ANTXR2: variants seen among roughly 807,000 people sequenced by gnomAD.
ANTXR2 encodes anthrax toxin receptor 2.
A neutral mutation model predicts 73.7 loss-of-function variants in ANTXR2; 44 were observed. That is an observed-to-expected ratio of 0.60 (90% CI 0.47 to 0.77). ANTXR2 has a LOEUF of 0.77. Ranked by LOEUF, ANTXR2 falls within the 30% of genes least tolerant of loss-of-function variation. ANTXR2 has a pLI of 0.00. For synonymous variants in ANTXR2, 217 were observed against 205.9 expected (o/e 1.05, Z -0.46); for missense variants, 604 against 592.5 (o/e 1.02, Z -0.20).
intron 10 of ANTXR2, among the ~76,000 whole-genome samples, chr4:80,029,316 C>A (rs1460610047): frequency 2.0e-5 from 3 of 151,278 alleles, no homozygotes; most frequent in Non-Finnish European, 4.4e-5. Context: ...TTTAACTAGT[C>A]ACTATTATTT....
At chr4:79,936,304 A>G (rs1402868428) in intron 16 of ANTXR2, among the ~76,000 whole-genome samples, 2 of 150,348 alleles carry the variant, frequency 1.3e-5, no homozygotes, top group Non-Finnish European at 2.9e-5. Flanking sequence ...ACAAAATGCT[A>G]TTTAACTGTC....
intron 10 of ANTXR2, among the ~76,000 whole-genome samples, chr4:80,025,835 T>C (rs987118359): frequency 3.9e-5 from 6 of 152,322 alleles, no homozygotes; most frequent in Admixed American, 1.3e-4. Context: ...ATATGTGTAA[T>C]AGATAAAACA....
At chr4:79,957,685 C>A (rs934891322) in intron 16 of ANTXR2, among the ~76,000 whole-genome samples, 2 of 151,848 alleles carry the variant, frequency 1.3e-5, no homozygotes, top group Non-Finnish European at 2.9e-5. Flanking sequence ...AAGTTTAGAG[C>A]CTTATCTGTT....
chr4:80,031,901 A>C (rs552147152), intron 9 of ANTXR2, among the ~76,000 whole-genome samples: 120 of 151,894 alleles, frequency 7.9e-4, no homozygotes, highest in African/African-American at 2.8e-3. Context: ...GTAAATCATA[A>C]GTTAGGATTA....
In ANTXR2 at chr4:80,045,439, A is replaced by G. The variant is rs968270632; in HGVS notation, c.636+8833T>C. On this transcript the variant is annotated intron_variant, in intron 7 of 16. Coordinates refer to ENST00000403729, the MANE Select transcript of ANTXR2 (RefSeq NM_058172.6). ...ATTTTTTGACACTGATTTTGGATCT[A>G]TAACATCACTGGCAACCGATCATCA... 2.6e-5 allele frequency among the ~76,000 whole-genome samples: 4 copies of G among 151,878 alleles called. 1 individual carries two copies. The highest frequency in any genetic ancestry group is 9.6e-5 in the African/African-American group (4 of 41,512).
chr4:80,065,088 G>A (rs1310720174), intron 3 of ANTXR2, among the ~76,000 whole-genome samples: 1 of 152,130 alleles, frequency 6.6e-6, no homozygotes, highest in African/African-American at 2.4e-5. Flanking sequence ...AGGATTAAGT[G>A]AAGCAATGCA....
chr4:79,996,257 T>C (rs1245320141), intron 12 of ANTXR2, among the ~76,000 whole-genome samples: 1 of 151,830 alleles, frequency 6.6e-6, no homozygotes, highest in Non-Finnish European at 1.5e-5. Context: ...AAAAAGCCTA[T>C]GATTTGTTGA....
chr4:79,931,583 T>C (rs1339788860), intron 16 of ANTXR2, among the ~76,000 whole-genome samples: 1 of 151,738 alleles, frequency 6.6e-6, no homozygotes, highest in Non-Finnish European at 1.5e-5. Flanking sequence ...CAGATGGCAC[T>C]AATGCATAAA....
rs530929347 is a variant in ANTXR2 at position 79,933,820 on chromosome 4, C to T, written c.1429-26353G>A. Among the ~76,000 whole-genome samples the T allele has an allele frequency of 5.4e-5, 8 of 149,394 alleles. No individual in the cohort carries two copies. In the South Asian group the frequency reaches 1.7e-3, roughly 32 times the overall value. Reference sequence around the variant, plus strand: ...CACGATCTCGGCTCACTGCAAGCTCCGCCTCCTGGGTTCACGCCATTCTCC... The same window carrying T: ...CACGATCTCGGCTCACTGCAAGCTCTGCCTCCTGGGTTCACGCCATTCTCC... On this transcript the variant is annotated intron_variant, in intron 16 of 16. Coordinates refer to ENST00000403729, the MANE Select transcript of ANTXR2 (RefSeq NM_058172.6).
intron 16 of ANTXR2, among the ~76,000 whole-genome samples, chr4:79,920,944 A>T (rs1727569900): frequency 6.6e-6 from 1 of 152,160 alleles, no homozygotes; most frequent in Admixed American, 6.6e-5. Context: ...ATGTCAAATA[A>T]TGGCTAATTG....
chr4:80,040,632 T>A (rs988136077), intron 7 of ANTXR2, among the ~76,000 whole-genome samples: 11 of 151,986 alleles, frequency 7.2e-5, no homozygotes, highest in Non-Finnish European at 1.5e-5. Context: ...GACCAATAGA[T>A]CAAATTTAAA....
rs1730004052 is a variant in ANTXR2, at chr4:79,984,169, C to A, written c.1087-199G>T. Among the ~76,000 whole-genome samples, 4 of 152,136 alleles carry A rather than the reference C, an allele frequency of 2.6e-5. No homozygotes were observed. The South Asian group carries it at 8.3e-4, about 31-fold the overall frequency. On this transcript the variant is annotated intron_variant, in intron 13 of 16. Transcript: ENST00000403729. ...ACAGGATATGAGAACTCCTTTCCCT[C>A]CTCAAATTTCAGGAATCTCTCTTAC...
chr4:79,922,768 C>T (rs1296326208), intron 16 of ANTXR2, among the ~76,000 whole-genome samples: 1 of 151,814 alleles, frequency 6.6e-6, no homozygotes, highest in Non-Finnish European at 1.5e-5. Flanking sequence ...GTCCAGAGCT[C>T]GTGTAGATAC....
intron 7 of ANTXR2, among the ~76,000 whole-genome samples, chr4:80,040,087 T>C: frequency 6.6e-6 from 1 of 151,606 alleles, no homozygotes; most frequent in Middle Eastern, 3.2e-3. Flanking sequence ...GACGTAAAGA[T>C]GGGAACAGTA....
At chr4:80,012,967 C>T (rs1047789758) in intron 11 of ANTXR2, among the ~76,000 whole-genome samples, 3 of 152,118 alleles carry the variant, frequency 2.0e-5, no homozygotes, top group Non-Finnish European at 4.4e-5. Flanking sequence ...CTAAATGAAG[C>T]CATAAAGGAT....
chr4:80,032,510 AT>A (rs1317077632), intron 9 of ANTXR2, among the ~76,000 whole-genome samples: 1 of 151,898 alleles, frequency 6.6e-6, no homozygotes, highest in East Asian at 1.9e-4. Flanking sequence ...AGAGGAATTA[AT>A]TATGACATTT....
intron 7 of ANTXR2, among the ~76,000 whole-genome samples, chr4:80,044,412 T>C (rs1428296402): frequency 6.6e-6 from 1 of 151,860 alleles, no homozygotes; most frequent in Non-Finnish European, 1.5e-5. Context: ...ACATACACAA[T>C]GGATATAGTT....
In ANTXR2 at chr4:79,903,636, T is replaced by C. The variant is rs1348694501; in HGVS notation, c.*3793A>G. The C allele has an allele frequency of 6.6e-6, 1 of 152,182 alleles. No homozygotes were observed. The highest frequency in any genetic ancestry group is 1.5e-5 in the Non-Finnish European group (1 of 68,022). The allele number at this position is 152,182 out of a possible 1,614,324, so 9.4% of individuals were successfully genotyped here. A position where few individuals can be genotyped will look rare whatever the true frequency, so the allele number is the denominator to read the frequency against. On this transcript the variant is annotated 3_prime_UTR_variant, in exon 17 of 17. Transcript: ENST00000403729. ...GGTGTGGAAATATATTAAAGTGTTC[T>C]CAGAAATATGTCATAGAAATTCACT...
intron 12 of ANTXR2, among the ~76,000 whole-genome samples, chr4:80,000,903 T>C (rs1382100327): frequency 7.2e-5 from 11 of 152,048 alleles, no homozygotes; most frequent in Non-Finnish European, 1.5e-4. Context: ...GAAACTGTGC[T>C]GGCTCCTCTA....
Sources: allele counts gnomAD v4.1 joint callset (sites outside exome capture counted in the v4.1 genomes callset), GRCh38; gene constraint gnomAD v4.1.1; transcripts MANE v1.5; gene names NCBI Gene and HGNC (gene_info 2026-07-23, HGNC 2026-07-21).